Variants in RYR3 observed in about 807,000 individuals in gnomAD.
RYR3 encodes the protein ryanodine receptor 3.
A neutral mutation model predicts 584.3 loss-of-function variants in RYR3; 207 were observed. The ratio of observed to expected loss-of-function variants is 0.35; its 90% confidence interval spans 0.32 to 0.40. The LOEUF (loss-of-function observed/expected upper bound fraction) is 0.40, where lower values mean the gene tolerates loss of function less well. Ranked by LOEUF, RYR3 falls within the 10% of genes least tolerant of loss-of-function variation. RYR3 has a pLI of 1.00. For missense variants in RYR3, 5,616 were observed against 6,089.2 expected (o/e 0.92, Z 2.59); for synonymous variants, 2,416 against 2,248.5 (o/e 1.07, Z -2.11).
At chr15:33,784,985 G>A (rs2074614465) in intron 65 of RYR3, among the ~76,000 whole-genome samples, 1 of 152,030 alleles carries the variant, frequency 6.6e-6, no homozygotes, top group South Asian at 2.1e-4. Context: ...GAAAAGATAG[G>A]GCTCCCACGA....
chr15:33,765,560 G>A (rs1417690447), intron 60 of RYR3, among the ~76,000 whole-genome samples: 2 of 148,962 alleles, frequency 1.3e-5, no homozygotes, highest in Non-Finnish European at 3.0e-5. Flanking sequence ...TTGAACCCAG[G>A]AGGCGGAGGT....
intron 24 of RYR3, among the ~76,000 whole-genome samples, chr15:33,634,045 T>TTTTG (rs369173106): frequency 1.7e-3 from 265 of 152,158 alleles, no homozygotes; most frequent in African/African-American, 6.0e-3. Flanking sequence ...TTAAAGTGTT[T>TTTTG]TTTGTTTTGT....
intron 38 of RYR3, among the ~76,000 whole-genome samples, chr15:33,694,496 G>A (rs986379990): frequency 2.6e-5 from 4 of 151,968 alleles, no homozygotes; most frequent in African/African-American, 4.8e-5. Context: ...CACCCACCTC[G>A]GCCTCCCAAA....
At chr15:33,713,118 G>T (rs978876808) in intron 43 of RYR3, among the ~76,000 whole-genome samples, 2 of 152,134 alleles carry the variant, frequency 1.3e-5, no homozygotes, top group African/African-American at 4.8e-5. Context: ...GAATACCTTT[G>T]TGAACTCTGC....
rs753838286 is a variant in RYR3 at position 33,632,933 on chromosome 15, T to C, written c.2868-16T>C. On this transcript the variant is annotated splice_polypyrimidine_tract_variant and intron_variant, in intron 23 of 103. Coordinates refer to ENST00000634891, the MANE Select transcript of RYR3 (RefSeq NM_001036.6). ...GGAGATCTGTTAAAAATGTATACTT[T>C]TACATTTACTTGTAGCTATATGATG... The C allele has an allele frequency of 1.8e-5, 28 of 1,599,264 alleles. No homozygotes were observed. Among genetic ancestry groups the C allele is most frequent in the Non-Finnish European group, 2.2e-5 (26 of 1,171,166 alleles).
chr15:33,315,096 G>C (rs1229720163), intron 1 of RYR3, among the ~76,000 whole-genome samples: 1 of 152,352 alleles, frequency 6.6e-6, no homozygotes, highest in East Asian at 1.9e-4. Flanking sequence ...CTCGAGGGAT[G>C]AGAAAAGGCA....
At chr15:33,707,572 A>G (rs975466228) in intron 43 of RYR3, among the ~76,000 whole-genome samples, 3 of 152,218 alleles carry the variant, frequency 2.0e-5, no homozygotes, top group African/African-American at 7.2e-5. Context: ...GTGAATTCCA[A>G]CACAACCAGA....
At chr15:33,860,973 A>G in intron 101 of RYR3, 105 bp from the exon 102 acceptor site, 2 of 922,664 alleles carry the variant, frequency 2.2e-6, no homozygotes, top group Non-Finnish European at 3.4e-6. Flanking sequence ...CAAAAGCATT[A>G]GAAAGAAAGT....
chr15:33,685,380 C>G (rs2064920934), intron 38 of RYR3, among the ~76,000 whole-genome samples: 2 of 152,162 alleles, frequency 1.3e-5, no homozygotes, highest in Admixed American at 6.5e-5. Flanking sequence ...GGGATCAATT[C>G]AACAAGAAGA....
At chr15:33,463,704 T>C (rs983798932) in intron 1 of RYR3, among the ~76,000 whole-genome samples, 36 of 152,158 alleles carry the variant, frequency 2.4e-4, no homozygotes, top group African/African-American at 8.2e-4. Flanking sequence ...TCTCCTTTGC[T>C]CTCCCTTGCA....
At chr15:33,619,125 G>A (rs1595858234) in intron 19 of RYR3, among the ~76,000 whole-genome samples, 1 of 151,942 alleles carries the variant, frequency 6.6e-6, no homozygotes, top group Non-Finnish European at 1.5e-5. Context: ...GTCGCTTACT[G>A]TAAACACTTT....
intron 60 of RYR3, among the ~76,000 whole-genome samples, chr15:33,764,382 A>G (rs945141221): frequency 2.0e-5 from 3 of 152,176 alleles, no homozygotes; most frequent in Non-Finnish European, 4.4e-5. Context: ...AACAATGAGA[A>G]CACATAGACA....
chr15:33,800,119 A>AT (rs1274924206), intron 67 of RYR3, among the ~76,000 whole-genome samples: 1 of 152,150 alleles, frequency 6.6e-6, no homozygotes, highest in Non-Finnish European at 1.5e-5. Context: ...TAACCAGTCT[A>AT]TTTTTTTGTT....
chr15:33,368,481 T>C (rs1975831343), intron 1 of RYR3, among the ~76,000 whole-genome samples: 1 of 151,818 alleles, frequency 6.6e-6, no homozygotes. Flanking sequence ...CATTAGTCTG[T>C]GTGGCCCTCA....
At chr15:33,807,832 C>G in intron 70 of RYR3, 1 of 524,258 alleles carries the variant, frequency 1.9e-6, no homozygotes, top group Non-Finnish European at 3.4e-6. Flanking sequence ...CCTTCTCCAG[C>G]TGCCCTCTCG....
intron 1 of RYR3, among the ~76,000 whole-genome samples, chr15:33,464,350 C>A (rs996829315): frequency 2.0e-5 from 3 of 150,840 alleles, no homozygotes; most frequent in Non-Finnish European, 2.9e-5. Context: ...ACAGCAAGTA[C>A]AAGGTTTTGA....
chr15:33,863,669 G>C (rs1032903719), intron 102 of RYR3, among the ~76,000 whole-genome samples: 1 of 152,038 alleles, frequency 6.6e-6, no homozygotes, highest in Non-Finnish European at 1.5e-5. Context: ...CAAAACTATA[G>C]TTCTGGAAGA....
rs776918342 is a variant in RYR3 at position 33,603,133 on chromosome 15, A to G, written c.1933A>G (p.Asn645Asp). The part of the protein sequence containing the change: ...LINDVTSIRP[N>D]IFLGVAEGSA... Reference sequence around the variant, plus strand: ...CATGTTTACTTTCAGTATCCGGCCAAACATCTTCCTGGGAGTCGCGGAGGG... The same window carrying G: ...CATGTTTACTTTCAGTATCCGGCCAGACATCTTCCTGGGAGTCGCGGAGGG... Residue 645 changes from asparagine to aspartate, a missense_variant, in exon 18 of 104, where the codon AAC becomes GAC. Asn to Asp is a conservative substitution (Grantham distance 23, BLOSUM62 1). Transcript: ENST00000634891. 3 of 1,613,804 alleles carry G rather than the reference A, an allele frequency of 1.9e-6. No individual in the cohort carries two copies. The highest frequency in any genetic ancestry group is 1.1e-5 in the South Asian group (1 of 91,060).
rs559236938 is a variant in RYR3 at position 33,853,627 on chromosome 15, C to G, written c.13744C>G (p.Leu4582Val). The stretch of plus-strand genomic sequence containing the variant: ...ACTTCTGGGTTTGGACAAAAATGCT[C>G]TTGACTTTAGCCCAGTAGAAGAGAC... ...AELLGLDKNA[L>V]DFSPVEETKA... Residue 4582 changes from leucine (L) to valine (V), a missense_variant, in exon 96 of 104, where the codon CTT becomes GTT. This residue lies in a region of RYR3 where 918 missense variants were observed against 887.4 expected (regional missense o/e 1.03). Coordinates refer to ENST00000634891, the MANE Select transcript of RYR3 (RefSeq NM_001036.6). The G allele has an allele frequency of 1.2e-6, 2 of 1,613,944 alleles. No individual in the cohort carries two copies. Among genetic ancestry groups the G allele is most frequent in the African/African-American group, 2.7e-5 (2 of 75,018 alleles).
Sources: allele counts gnomAD v4.1 joint callset (sites outside exome capture counted in the v4.1 genomes callset), GRCh38; gene constraint gnomAD v4.1.1; regional missense constraint gnomAD v4.1.1; transcripts MANE v1.5; gene names NCBI Gene and HGNC (gene_info 2026-07-23, HGNC 2026-07-21).